Variants in PTPRD observed in about 807,000 individuals in gnomAD.
PTPRD encodes protein tyrosine phosphatase receptor type D.
A neutral mutation model predicts 214.5 loss-of-function variants in PTPRD; 34 were observed. That is an observed-to-expected ratio of 0.16 (90% CI 0.12 to 0.21). The LOEUF (loss-of-function observed/expected upper bound fraction) is 0.21, where lower values mean the gene tolerates loss of function less well. Ranked by LOEUF, PTPRD falls within the 10% of genes least tolerant of loss-of-function variation. The pLI, the probability that PTPRD is intolerant of heterozygous loss-of-function variation, is 1.00. For missense variants in PTPRD, 2,545 were observed against 2,398.7 expected, an observed-to-expected ratio of 1.06 and a Z score of -1.27; for synonymous variants, 1,128 against 845.7, an observed-to-expected ratio of 1.33 and a Z score of -5.79.
chr9:9,056,367 A>G (rs2099696258), intron 10 of PTPRD, among the ~76,000 whole-genome samples: 1 of 152,172 alleles, frequency 6.6e-6, no homozygotes, highest in Non-Finnish European at 1.5e-5. Flanking sequence ...AAACATTTTG[A>G]GATAGTTATG....
chr9:9,571,832 A>C (rs2154300972), intron 8 of PTPRD, among the ~76,000 whole-genome samples: 1 of 151,336 alleles, frequency 6.6e-6, no homozygotes, highest in Admixed American at 6.6e-5. Context: ...TTTTATAATA[A>C]AACATTAAAA....
chr9:8,487,877 G>A (rs10977156), intron 27 of PTPRD, among the ~76,000 whole-genome samples: 1 of 151,638 alleles, frequency 6.6e-6, no homozygotes, highest in African/African-American at 2.4e-5. Flanking sequence ...TCTACGGGGG[G>A]AGGGGGGAAG....
chr9:10,538,094 G>A (rs2058256829), intron 2 of PTPRD, among the ~76,000 whole-genome samples: 1 of 151,888 alleles, frequency 6.6e-6, no homozygotes, highest in African/African-American at 2.4e-5. Flanking sequence ...TAATCAAATT[G>A]CTTAACTCTG....
intron 2 of PTPRD, among the ~76,000 whole-genome samples, chr9:10,583,613 G>A (rs1001367480): frequency 6.6e-6 from 1 of 151,892 alleles, no homozygotes; most frequent in Non-Finnish European, 1.5e-5. Flanking sequence ...TGAGTAGCTG[G>A]GACTACAGGC....
chr9:9,670,712 T>G (rs913970464), intron 7 of PTPRD, among the ~76,000 whole-genome samples: 3 of 152,154 alleles, frequency 2.0e-5, no homozygotes, highest in Non-Finnish European at 2.9e-5. Flanking sequence ...GGCTGTGGCT[T>G]CAGAGGTTGC....
At chr9:9,013,673 G>T (rs1049831382) in intron 11 of PTPRD, among the ~76,000 whole-genome samples, 3 of 152,048 alleles carry the variant, frequency 2.0e-5, no homozygotes, top group African/African-American at 7.2e-5. Context: ...GCATTTCATT[G>T]CATACAGAAG....
chr9:9,497,716 C>T (rs1157213194), intron 8 of PTPRD, among the ~76,000 whole-genome samples: 2 of 151,988 alleles, frequency 1.3e-5, no homozygotes, highest in Non-Finnish European at 2.9e-5. Context: ...TTTATGCCTC[C>T]ACCACTCAAA....
chr9:9,556,085 A>G (rs115485464), intron 8 of PTPRD, among the ~76,000 whole-genome samples: 2,203 of 152,232 alleles, frequency 0.014, 58 homozygotes, highest in African/African-American at 0.05. Context: ...TGAATAACCT[A>G]TTATTGACCA....
At chr9:8,343,970 G>T (rs1332949574) in intron 39 of PTPRD, among the ~76,000 whole-genome samples, 2 of 152,056 alleles carry the variant, frequency 1.3e-5, no homozygotes, top group African/African-American at 4.8e-5. Flanking sequence ...TCTGCATAGT[G>T]TTTGATCAGG....
intron 7 of PTPRD, among the ~76,000 whole-genome samples, chr9:9,616,187 C>T (rs2094849302): frequency 1.3e-5 from 2 of 152,074 alleles, no homozygotes; most frequent in Admixed American, 6.6e-5. Flanking sequence ...ACAGAGGTCT[C>T]GTTACATTTA....
intron 2 of PTPRD, among the ~76,000 whole-genome samples, chr9:10,342,750 C>A (rs1211466380): frequency 6.6e-6 from 1 of 152,004 alleles, no homozygotes; most frequent in Non-Finnish European, 1.5e-5. Flanking sequence ...GAGACTAAAG[C>A]AAAGTAAGTT....
chr9:10,443,286 C>G (rs1291627064), intron 2 of PTPRD, among the ~76,000 whole-genome samples: 2 of 151,538 alleles, frequency 1.3e-5, no homozygotes, highest in Non-Finnish European at 3.0e-5. Flanking sequence ...GTGGAACTAT[C>G]AGATAAAGTA....
At chr9:8,625,277 T>C (rs1217885222) in intron 14 of PTPRD, among the ~76,000 whole-genome samples, 2 of 151,990 alleles carry the variant, frequency 1.3e-5, no homozygotes, top group Middle Eastern at 3.4e-3. Flanking sequence ...ATATTGATAG[T>C]TAATAACTAG....
chr9:10,303,232 T>G (rs2095924732), intron 3 of PTPRD, among the ~76,000 whole-genome samples: 1 of 152,198 alleles, frequency 6.6e-6, no homozygotes, highest in South Asian at 2.1e-4. Context: ...AGTCACGATG[T>G]ACCAGAATCT....
At chr9:9,392,293 A>T (rs4008112) in intron 9 of PTPRD, among the ~76,000 whole-genome samples, 40,143 of 151,950 alleles carry the variant, frequency 0.26, 5,443 homozygotes, top group Middle Eastern at 0.3. Flanking sequence ...TTGGGTCATA[A>T]ACCTGCTTAC....
At chr9:8,815,215 C>G (rs1209825722) in intron 11 of PTPRD, among the ~76,000 whole-genome samples, 1 of 151,732 alleles carries the variant, frequency 6.6e-6, no homozygotes, top group Non-Finnish European at 1.5e-5. Flanking sequence ...AATTTCACAT[C>G]TGATATAAGC....
intron 12 of PTPRD, among the ~76,000 whole-genome samples, chr9:8,727,031 G>T (rs890791954): frequency 6.6e-6 from 1 of 151,580 alleles, no homozygotes; most frequent in East Asian, 1.9e-4. Flanking sequence ...AGAATGAGAG[G>T]AAAATTAAAG....
chr9:9,824,929 C>G (rs1031887657), intron 5 of PTPRD, among the ~76,000 whole-genome samples: 13 of 151,974 alleles, frequency 8.6e-5, no homozygotes, highest in African/African-American at 2.9e-4. Flanking sequence ...AAAGTGGGCT[C>G]TGGTACCAGA....
intron 7 of PTPRD, among the ~76,000 whole-genome samples, chr9:9,582,457 T>A (rs1386990236): frequency 6.6e-6 from 1 of 152,076 alleles, no homozygotes; most frequent in African/African-American, 2.4e-5. Context: ...GGAATCCAGA[T>A]CAAATGACAG....
Sources: gnomAD v4.1 joint callset for allele counts (sites outside exome capture counted in the v4.1 genomes callset) on GRCh38, gnomAD v4.1.1 for gene constraint, MANE v1.5 for transcripts, NCBI Gene and HGNC (gene_info 2026-07-23, HGNC 2026-07-21) for gene names.